The following DRC2 variants were observed in gnomAD, a reference collection of about 807,000 sequenced individuals.
DRC2 encodes the protein coiled-coil domain containing 65.
At chr12:48,905,076 T>C in the DRC2 span, 160 of 1,613,388 alleles carry the variant, frequency 9.9e-5, no homozygotes, top group Non-Finnish European at 1.3e-4. Context: ...AGCCAAACAT[T>C]TGAACGAGTG....
chr12:48,918,443 G>A, the DRC2 span: 1 of 1,613,866 alleles, frequency 6.2e-7, no homozygotes, highest in African/African-American at 1.3e-5. Flanking sequence ...AGAGATTGAA[G>A]TACAGATGAA....
At chr12:48,920,825 C>T in the DRC2 span, 1 of 1,008,948 alleles carries the variant, frequency 9.9e-7, no homozygotes, top group South Asian at 1.7e-5. Context: ...CTATTGTTTC[C>T]CACTTGGATG....
At chr12:48,911,549 C>T in the DRC2 span, among the ~76,000 whole-genome samples, 1 of 151,668 alleles carries the variant, frequency 6.6e-6, no homozygotes, top group Non-Finnish European at 1.5e-5. Flanking sequence ...AGGACAAGAC[C>T]CTGACTCAAA....
chr12:48,918,325 A>T, the DRC2 span: 20 of 1,614,196 alleles, frequency 1.2e-5, no homozygotes, highest in South Asian at 2.1e-4. Context: ...ACAGAGTAGA[A>T]GATCTGTGGA....
the DRC2 span, among the ~76,000 whole-genome samples, chr12:48,919,168 C>T: frequency 0.33 from 49,475 of 151,444 alleles, 9,103 homozygotes; most frequent in Admixed American, 0.47. Flanking sequence ...TTGCCTTGGC[C>T]TCCCAAAGTG....
the DRC2 span, chr12:48,918,852 C>T: frequency 1.2e-6 from 2 of 1,614,110 alleles, no homozygotes; most frequent in Non-Finnish European, 1.7e-6. Flanking sequence ...TAGTCAGACT[C>T]ACCCTGGAAA....
At chr12:48,912,948 C>T in the DRC2 span, among the ~76,000 whole-genome samples, 1 of 151,700 alleles carries the variant, frequency 6.6e-6, no homozygotes, top group Non-Finnish European at 1.5e-5. Flanking sequence ...CCATCCTGGC[C>T]AACATGGTGA....
At chr12:48,920,524 ATT>A in the DRC2 span, among the ~76,000 whole-genome samples, 7 of 116,440 alleles carry the variant, frequency 6.0e-5, no homozygotes, top group Non-Finnish European at 5.4e-5. Flanking sequence ...ATAATGAATG[ATT>A]TTTTTTTTTT....
At chr12:48,918,617 T>C in the DRC2 span, 1 of 1,543,272 alleles carries the variant, frequency 6.5e-7, no homozygotes, top group Non-Finnish European at 8.9e-7. Context: ...AGGCAGCCCT[T>C]TTACCTGTCT....
At chr12:48,920,524 A>AT in the DRC2 span, among the ~76,000 whole-genome samples, 479 of 116,462 alleles carry the variant, frequency 4.1e-3, 7 homozygotes, top group South Asian at 0.011. Context: ...ATAATGAATG[A>AT]TTTTTTTTTT....
chr12:48,916,009 G>T, the DRC2 span, among the ~76,000 whole-genome samples: 2 of 149,226 alleles, frequency 1.3e-5, no homozygotes, highest in African/African-American at 4.9e-5. Context: ...ATGGGCGGCC[G>T]GGCAGAGACG....
At chr12:48,913,171 C>A in the DRC2 span, among the ~76,000 whole-genome samples, 1 of 147,562 alleles carries the variant, frequency 6.8e-6, no homozygotes, top group Non-Finnish European at 1.5e-5. Context: ...CCAGGTTCAA[C>A]TTATTTTCTG....
the DRC2 span, among the ~76,000 whole-genome samples, chr12:48,912,392 T>TGCGCTCCA: frequency 7.7e-6 from 1 of 129,192 alleles, no homozygotes; most frequent in Non-Finnish European, 1.6e-5. Flanking sequence ...ATCGCGCCAC[T>TGCGCTCCA]GCGCTCCAGC....
chr12:48,917,002 T>C, the DRC2 span: 2 of 1,613,944 alleles, frequency 1.2e-6, no homozygotes, highest in African/African-American at 2.7e-5. Context: ...GAGAAAGAGA[T>C]TCACTATCTG....
the DRC2 span, among the ~76,000 whole-genome samples, chr12:48,909,019 A>G: frequency 7.2e-6 from 1 of 138,438 alleles, no homozygotes; most frequent in African/African-American, 2.7e-5. Flanking sequence ...TCTGGTTCCC[A>G]CCTGTACTTT....
At chr12:48,917,162 T>C in the DRC2 span, 1 of 1,603,348 alleles carries the variant, frequency 6.2e-7, no homozygotes, top group Non-Finnish European at 8.5e-7. Context: ...AGAAAAATGC[T>C]CAAGGAGGCT....
At chr12:48,921,525 T>C in the DRC2 span, 1 of 1,512,164 alleles carries the variant, frequency 6.6e-7, no homozygotes, top group South Asian at 1.4e-5. Flanking sequence ...AGATTTTTTT[T>C]TTTTTTTGAG....
the DRC2 span, among the ~76,000 whole-genome samples, chr12:48,915,896 C>T: frequency 7.1e-6 from 1 of 141,838 alleles, no homozygotes; most frequent in Non-Finnish European, 1.5e-5. Context: ...GGCGGCTGGG[C>T]AGAGACGCTC....
At chr12:48,906,389 C>T in the DRC2 span, among the ~76,000 whole-genome samples, 6 of 150,922 alleles carry the variant, frequency 4.0e-5, no homozygotes, top group East Asian at 2.0e-4. Context: ...CTGCAACCTC[C>T]GCCTCCCGAG....
Sources: gnomAD v4.1 joint callset for allele counts (sites outside exome capture counted in the v4.1 genomes callset) on GRCh38, gnomAD v4.1.1 for gene constraint, MANE v1.5 for transcripts, NCBI Gene and HGNC (gene_info 2026-07-23, HGNC 2026-07-21) for gene names.